Variants in CUL1 observed in about 807,000 individuals in gnomAD.
CUL1 encodes the protein cullin 1, also known as cullin-1.
In CUL1, 24 loss-of-function variants were observed where a neutral mutation model predicts 118.0. The ratio of observed to expected loss-of-function variants is 0.20; its 90% CI spans 0.15 to 0.29. The LOEUF is 0.29. Ranked by LOEUF, CUL1 falls within the 10% of genes least tolerant of loss-of-function variation. The pLI is 1.00. For synonymous variants in CUL1, 332 were observed against 340.4 expected, an observed-to-expected ratio of 0.98 and a Z score of 0.27; for missense variants, 361 against 933.8, an observed-to-expected ratio of 0.39 and a Z score of 7.99.
At chr7:148,725,104 G>T (rs1798518103) in intron 1 of CUL1, among the ~76,000 whole-genome samples, 2 of 152,000 alleles carry the variant, frequency 1.3e-5, no homozygotes, top group African/African-American at 2.4e-5. Context: ...CTATTTTATT[G>T]TCCCAGGCAG....
chr7:148,727,098 A>C (rs1222537418), intron 1 of CUL1, among the ~76,000 whole-genome samples: 2 of 152,238 alleles, frequency 1.3e-5, no homozygotes, highest in African/African-American at 2.4e-5. Flanking sequence ...AAGAGTAAAT[A>C]ATGCCTAGGA....
At chr7:148,726,833 CAAA>C (rs11408081) in intron 1 of CUL1, among the ~76,000 whole-genome samples, 3 of 131,672 alleles carry the variant, frequency 2.3e-5, no homozygotes, top group Non-Finnish European at 3.2e-5. Flanking sequence ...CCATCTCTAC[CAAA>C]AAAAAAAAAA....
chr7:148,726,846 AAAAAT>A (rs1347993479), intron 1 of CUL1, among the ~76,000 whole-genome samples: 1 of 151,074 alleles, frequency 6.6e-6, no homozygotes, highest in Non-Finnish European at 1.5e-5. Context: ...AAAAAAAAAA[AAAAAT>A]TTTTTTTTAA....
chr7:148,798,024 GAA>G lies in CUL1; in HGVS notation c.2030+9_2030+10del, dbSNP rs771242810. The G allele has an allele frequency of 6.5e-7, 1 of 1,546,306 alleles. No individual in the cohort carries two copies. The highest frequency in any genetic ancestry group is 1.1e-5 in the South Asian group (1 of 88,858). On this transcript the variant is annotated splice_donor_region_variant and intron_variant, in intron 19 of 21. Coordinates refer to ENST00000325222, the MANE Select transcript of CUL1 (RefSeq NM_003592.3). Reference sequence around the variant, plus strand: ...ATTATATCTTGGTTATAAAAAGTAAGAAAAATCTAATAAGTAGATGGCCCTTG... The same window carrying G: ...ATTATATCTTGGTTATAAAAAGTAAGAAATCTAATAAGTAGATGGCCCTTG...
intron 13 of CUL1, 90 bp from the exon 14 acceptor site, chr7:148,788,467 A>G: frequency 1.3e-6 from 1 of 796,914 alleles, no homozygotes; most frequent in Non-Finnish European, 2.1e-6. Flanking sequence ...AATTAAGTAT[A>G]TATTGTATAC....
intron 2 of CUL1, among the ~76,000 whole-genome samples, chr7:148,730,477 A>G (rs1000712806): frequency 6.6e-6 from 1 of 152,184 alleles, no homozygotes; most frequent in Non-Finnish European, 1.5e-5. Context: ...CACTGGGCAC[A>G]TGTGGCTGTT....
At chr7:148,731,563 A>C (rs1291665047) in intron 2 of CUL1, among the ~76,000 whole-genome samples, 3 of 152,206 alleles carry the variant, frequency 2.0e-5, no homozygotes, top group African/African-American at 7.2e-5. Flanking sequence ...TCAACCTTTT[A>C]AAAAGTATAC....
At chr7:148,702,454 A>T (rs1409366215) in intron 1 of CUL1, among the ~76,000 whole-genome samples, 1 of 152,210 alleles carries the variant, frequency 6.6e-6, no homozygotes, top group Non-Finnish European at 1.5e-5. Context: ...TGTGGATTCC[A>T]TGGGAATGCC....
At chr7:148,754,346 G>GT (rs1053957121) in intron 3 of CUL1, among the ~76,000 whole-genome samples, 196 bp downstream of exon 3, 2 of 152,114 alleles carry the variant, frequency 1.3e-5, no homozygotes, top group Non-Finnish European at 2.9e-5. Context: ...CTAGGGTTTT[G>GT]TTTTTTCGAG....
chr7:148,763,197 T>C (rs1799895898), intron 7 of CUL1, among the ~76,000 whole-genome samples: 1 of 151,654 alleles, frequency 6.6e-6, no homozygotes, highest in South Asian at 2.1e-4. Context: ...CCAAAGACGG[T>C]TGAGGAGCAA....
chr7:148,722,501 C>T (rs374056721), intron 1 of CUL1, among the ~76,000 whole-genome samples: 6 of 152,210 alleles, frequency 3.9e-5, no homozygotes, highest in Admixed American at 1.3e-4. Context: ...TCCTGTCCCC[C>T]GCCATCCTGC....
chr7:148,783,999 C>T lies in CUL1; in HGVS notation c.1220C>T (p.Ala407Val), dbSNP rs747191601. ...TGTGGTCGCTTCATAAACAACAACG[C>T]GGTTACCAAGATGGCCCAATCATCC... is the stretch of plus-strand genomic sequence containing the variant. ...KACGRFINNN[A>V]VTKMAQSSSK... The change falls in exon 11 of 22, where the codon GCG (alanine) becomes GTG (valine). Residue 407 changes from alanine (A) to valine (V), a missense_variant. This residue lies in a region of CUL1 where 169 missense variants were observed against 429.7 expected (regional missense o/e 0.39). Transcript: ENST00000325222. The T allele has an allele frequency of 1.9e-6, 3 of 1,614,116 alleles. No individual in the cohort carries two copies. Among genetic ancestry groups the T allele is most frequent in the South Asian group, 1.1e-5 (1 of 91,072 alleles).
chr7:148,795,434 G>C (rs1801154291), intron 17 of CUL1, among the ~76,000 whole-genome samples: 1 of 151,966 alleles, frequency 6.6e-6, no homozygotes, highest in Non-Finnish European at 1.5e-5. Context: ...ATGCCAGCCT[G>C]TTCCACTTTC....
At chr7:148,788,447 AGTT>A (rs1800893423) in intron 13 of CUL1, 107 bp from the exon 14 acceptor site, 1 of 665,814 alleles carries the variant, frequency 1.5e-6, no homozygotes, top group Admixed American at 2.6e-5. Context: ...CTTTGCTAGT[AGTT>A]CCATATAATT....
At chr7:148,749,620 G>A (rs370518125) in intron 2 of CUL1, among the ~76,000 whole-genome samples, 7 of 152,066 alleles carry the variant, frequency 4.6e-5, no homozygotes, top group African/African-American at 7.2e-5. Flanking sequence ...CTGCTCCACC[G>A]ACTGGCCATT....
chr7:148,768,877 C>T (rs888231219), intron 9 of CUL1, among the ~76,000 whole-genome samples: 17 of 152,140 alleles, frequency 1.1e-4, no homozygotes, highest in African/African-American at 3.9e-4. Context: ...TGCTGACACT[C>T]AGCCGCCTCT....
At position 148,792,822 on chromosome 7, in the gene CUL1, T is replaced by C; in HGVS notation, c.1899+4T>C. On this transcript the variant is annotated splice_donor_region_variant and intron_variant, in intron 17 of 21. Coordinates refer to ENST00000325222, the MANE Select transcript of CUL1 (RefSeq NM_003592.3). ...CGACAGCACTCAAATTAAAATGGTA[T>C]TCTCATCTCAGGCTCGTTGTTCTAT... is the stretch of plus-strand genomic sequence containing the variant. 6.2e-7 allele frequency: 1 copy of C among 1,604,710 alleles called. No homozygotes were observed. Among genetic ancestry groups the C allele is most frequent in the East Asian group, 2.2e-5 (1 of 44,828 alleles).
chr7:148,799,202 G>C (rs557403754), intron 20 of CUL1, 73 bp from the exon 21 acceptor site: 39 of 1,168,590 alleles, frequency 3.3e-5, no homozygotes, highest in Non-Finnish European at 4.6e-5. Context: ...CCTCTGTGCA[G>C]CTTGTCCTTA....
chr7:148,790,090 C>T (rs190674412), intron 15 of CUL1, among the ~76,000 whole-genome samples: 3 of 152,318 alleles, frequency 2.0e-5, no homozygotes, highest in South Asian at 4.1e-4. Flanking sequence ...ATGAACACCT[C>T]GATGGACCTG....
Sources: gnomAD v4.1 joint callset for allele counts (sites outside exome capture counted in the v4.1 genomes callset) on GRCh38, gnomAD v4.1.1 for gene constraint, gnomAD v4.1.1 regional missense constraint, MANE v1.5 for transcripts, NCBI Gene and HGNC (gene_info 2026-07-23, HGNC 2026-07-21) for gene names.